FAT4: variants seen among roughly 807,000 people sequenced by gnomAD.
FAT4 encodes the protein FAT atypical cadherin 4.
Under a neutral mutation model 303.9 loss-of-function variants are expected in FAT4, and 84 were observed. The ratio of observed to expected loss-of-function variants is 0.28; its 90% confidence interval spans 0.23 to 0.33. The LOEUF (loss-of-function observed/expected upper bound fraction) is 0.33. Among genes scored for constraint, FAT4 ranks in the 10% least tolerant of loss-of-function variants. The pLI is 1.00. For missense variants in FAT4, 6,005 were observed against 6,146.8 expected, an observed-to-expected ratio of 0.98 and a Z score of 0.77; for synonymous variants, 2,307 against 2,298.8, an observed-to-expected ratio of 1.00 and a Z score of -0.10.
At chr4:125,365,700 T>C (rs535629918) in intron 2 of FAT4, among the ~76,000 whole-genome samples, 104 of 152,268 alleles carry the variant, frequency 6.8e-4, no homozygotes, top group Middle Eastern at 3.4e-3. Flanking sequence ...AGAAATAAAG[T>C]ATATGATAAA....
At chr4:125,388,717 A>G (rs1047974954) in intron 2 of FAT4, among the ~76,000 whole-genome samples, 2 of 152,228 alleles carry the variant, frequency 1.3e-5, no homozygotes, top group African/African-American at 4.8e-5. Context: ...TTGCCTTAAA[A>G]TAAATCCTTA....
At chr4:125,360,913 ATTATTTATTTTAT>A (rs1213775058) in intron 2 of FAT4, among the ~76,000 whole-genome samples, 4 of 141,702 alleles carry the variant, frequency 2.8e-5, no homozygotes, top group African/African-American at 5.1e-5. Context: ...TTATTTATTT[ATTATTTATTTTAT>A]TTATTTATTT....
chr4:125,358,005 T>C (rs1280356627), intron 2 of FAT4, among the ~76,000 whole-genome samples: 1 of 152,168 alleles, frequency 6.6e-6, no homozygotes, highest in Non-Finnish European at 1.5e-5. Context: ...AGTATGGTTC[T>C]TTTAAGTAAG....
chr4:125,468,291 G>A (rs1212769304), intron 11 of FAT4, among the ~76,000 whole-genome samples: 2 of 152,004 alleles, frequency 1.3e-5, no homozygotes, highest in Non-Finnish European at 2.9e-5. Context: ...ATTAGACAAT[G>A]AAAAATAATT....
At chr4:125,364,124 TTC>T (rs35020841) in intron 2 of FAT4, among the ~76,000 whole-genome samples, 32 of 149,682 alleles carry the variant, frequency 2.1e-4, no homozygotes, top group East Asian at 1.2e-3. Context: ...TTCCTATTCC[TTC>T]TCTCTCTCTC....
At chr4:125,399,003 C>A in intron 3 of FAT4, 88 bp downstream of exon 3, 3 of 1,244,514 alleles carry the variant, frequency 2.4e-6, no homozygotes, top group Non-Finnish European at 1.2e-6. Flanking sequence ...TTTTATTACC[C>A]AATAATTAAG....
intron 2 of FAT4, among the ~76,000 whole-genome samples, chr4:125,396,910 ATGTG>A (rs1159635569): frequency 8.4e-6 from 1 of 119,746 alleles, no homozygotes; most frequent in Non-Finnish European, 1.7e-5. Flanking sequence ...ACATATATGT[ATGTG>A]TATGTGTGTG....
chr4:125,415,593 C>G lies in FAT4; in HGVS notation c.6630C>G (p.Ala2210=), dbSNP rs1049419796. The G allele has an allele frequency of 1.9e-6, 3 of 1,613,910 alleles. No homozygotes were observed. The African/African-American group carries it at 4.0e-5, about 22-fold the overall frequency. The change falls in exon 6 of 18, where the codon GCC becomes GCG. Residue 2210 remains alanine, a synonymous_variant. Transcript: ENST00000394329. ...QEFRIDSVTG[A]ITVAKPLDRE... is the part of the protein sequence containing the mutation. ...TTCGGATAGACTCTGTCACAGGTGC[C>G]ATCACTGTCGCTAAACCTTTGGATA...
chr4:125,416,873 G>A lies in FAT4; in HGVS notation c.7018+251G>A, dbSNP rs551105138. Among the ~76,000 whole-genome samples, 143 of 150,238 alleles carry A rather than the reference G, an allele frequency of 9.5e-4. 2 individuals are homozygous for A. In the South Asian group the frequency reaches 0.014, roughly 15 times the overall value. ...AGGCAGGAGAATCGCTTGAAACCAG[G>A]AGGCGGAGGTTGCAGTGAGCCGAGA... On this transcript the variant is annotated intron_variant, in intron 7 of 17. Transcript: ENST00000394329.
At position 125,468,534 on chromosome 4, in the gene FAT4, G is replaced by C; in HGVS notation, c.11928G>C (p.Glu3976Asp). ...CPFGVFGKHC[E>D]LNSYGFEELS... ...CAGGTGTCTTTGGAAAACACTGCGA[G>C]TTGAACAGTTATGGATTTGAGGAGT... The change falls in exon 12 of 18, where the codon GAG becomes GAC. Residue 3976 changes from glutamate to aspartate, a missense_variant. Physicochemically the swap from Glu to Asp is conservative, Grantham distance 45. Transcript: ENST00000394329. The C allele has an allele frequency of 6.3e-7, 1 of 1,586,446 alleles. No individual in the cohort carries two copies. Among genetic ancestry groups the C allele is most frequent in the South Asian group, 1.2e-5 (1 of 86,618 alleles).
At chr4:125,464,338 C>T (rs1042958566) in intron 11 of FAT4, among the ~76,000 whole-genome samples, 3 of 152,046 alleles carry the variant, frequency 2.0e-5, no homozygotes, top group African/African-American at 7.2e-5. Flanking sequence ...CAGCTGTTAC[C>T]CATTACTGTG....
rs772460863 is a variant in FAT4 at position 125,319,567 on chromosome 4, G to A, written c.3156G>A (p.Leu1052=). 4 of 1,614,124 alleles carry A rather than the reference G, an allele frequency of 2.5e-6. No homozygotes were observed. The highest frequency in any genetic ancestry group is 2.2e-5 in the East Asian group (1 of 44,880). The change falls in exon 2 of 18, where the codon TTG becomes TTA. Residue 1052 remains leucine (L), a synonymous_variant. Transcript: ENST00000394329. ...TTGGCATATTCCCAGATGGTCAATT[G>A]TATATAAAAAGTGAACTGGACCGTG... ...DAFGIFPDGQ[L]YIKSELDREL...
At chr4:125,424,913 G>A (rs1725037337) in intron 7 of FAT4, among the ~76,000 whole-genome samples, 1 of 152,120 alleles carries the variant, frequency 6.6e-6, no homozygotes, top group Admixed American at 6.5e-5. Flanking sequence ...TCAGGCATGA[G>A]TCCTAGAATA....
chr4:125,445,477 A>G (rs1725795738), intron 8 of FAT4, among the ~76,000 whole-genome samples: 1 of 152,098 alleles, frequency 6.6e-6, no homozygotes, highest in Non-Finnish European at 1.5e-5. Flanking sequence ...AAAGATATCT[A>G]TTTCCATGCT....
At chr4:125,481,427 T>C in intron 15 of FAT4, 94 bp from the exon 16 acceptor site, 5 of 1,066,998 alleles carry the variant, frequency 4.7e-6, no homozygotes, top group Non-Finnish European at 6.9e-6. Flanking sequence ...AACGACATTT[T>C]CATTGTCCTT....
intron 8 of FAT4, among the ~76,000 whole-genome samples, chr4:125,434,931 T>G (rs1341016330): frequency 6.6e-6 from 1 of 152,124 alleles, no homozygotes; most frequent in African/African-American, 2.4e-5. Flanking sequence ...AAGTGAAAGC[T>G]CCCAGAACTC....
Position 125,446,560 on chromosome 4 carries a change from T to C in FAT4, c.7450+17T>C, listed in dbSNP as rs756518118. ...CTCTTCCAGGTAATCAACCAAATTC[T>C]GAGGCCACATGGATATAAACAAACT... is the stretch of plus-strand genomic sequence containing the variant. On this transcript the variant is annotated intron_variant, in intron 9 of 17. Transcript: ENST00000394329. 8 of 1,592,462 alleles carry C rather than the reference T, an allele frequency of 5.0e-6. No individual in the cohort carries two copies. Among genetic ancestry groups the C allele is most frequent in the Non-Finnish European group, 6.9e-6 (8 of 1,164,168 alleles).
chr4:125,489,818 T>C (rs960947918), intron 17 of FAT4, 83 bp from the exon 18 acceptor site: 12 of 1,189,510 alleles, frequency 1.0e-5, no homozygotes, highest in Non-Finnish European at 1.4e-5. Context: ...AGCTTCTCTT[T>C]ACAAGAACCC....
chr4:125,468,225 C>T (rs1421146329), intron 11 of FAT4, among the ~76,000 whole-genome samples: 1 of 152,040 alleles, frequency 6.6e-6, no homozygotes, highest in South Asian at 2.1e-4. Context: ...CAGACATACT[C>T]CATTCCACTA....
Sources: allele counts gnomAD v4.1 joint callset (sites outside exome capture counted in the v4.1 genomes callset), GRCh38; gene constraint gnomAD v4.1.1; transcripts MANE v1.5; gene names NCBI Gene and HGNC (gene_info 2026-07-23, HGNC 2026-07-21).